Variants in TJP1 observed in about 807,000 individuals in gnomAD.
The protein encoded by TJP1 is tight junction protein 1, also known as tight junction protein ZO-1.
TJP1 carries 43 observed loss-of-function variants against 194.2 expected under a neutral mutation model. The observed-to-expected ratio is 0.22, with a 90% CI of 0.17 to 0.29. The LOEUF is 0.29. Among genes scored for constraint, TJP1 ranks in the 10% least tolerant of loss-of-function variants. The probability of loss-of-function intolerance (pLI) is 1.00; values close to 1 mark genes in which losing one functional copy is unlikely to be tolerated. For missense variants in TJP1, 1,971 were observed against 2,185.7 expected, an observed-to-expected ratio of 0.90 and a Z score of 1.96; for synonymous variants, 801 against 779.0, an observed-to-expected ratio of 1.03 and a Z score of -0.47.
At chr15:29,900,181 A>G (rs1207221256) in intron 2 of TJP1, among the ~76,000 whole-genome samples, 1 of 152,120 alleles carries the variant, frequency 6.6e-6, no homozygotes, top group Admixed American at 6.5e-5. Context: ...AGCCACCTGA[A>G]AAGGCTCTGG....
chr15:29,719,809 G>A lies in TJP1; in HGVS notation c.2971C>T (p.Pro991Ser), dbSNP rs2042816829. The change falls in exon 20 of 28, where the codon CCA (proline) becomes TCA (serine). Residue 991 changes from proline to serine, a missense_variant. Transcript: ENST00000614355. ...GGATCTACATGCGACGACAATGATG[G>A]TTCTTGATCTCTTAGCATTATGTGA... Reference protein sequence around the residue: ...AAHIMLRDQEPSLSSHVDPTK... With the variant: ...AAHIMLRDQESSLSSHVDPTK... 6.2e-7 allele frequency: 1 copy of A among 1,614,102 alleles called. No individual in the cohort carries two copies.
At chr15:29,949,916 T>A (rs1179349930) in intron 2 of TJP1, among the ~76,000 whole-genome samples, 19 of 29,912 alleles carry the variant, frequency 6.4e-4, no homozygotes, top group Admixed American at 1.7e-3. Context: ...CACCTCCACC[T>A]CCACCTTCAC....
intron 1 of TJP1, among the ~76,000 whole-genome samples, chr15:29,804,646 T>C (rs1455354442): frequency 6.6e-6 from 1 of 152,164 alleles, no homozygotes; most frequent in Non-Finnish European, 1.5e-5. Context: ...ATCTATTACT[T>C]ATCAAATTAT....
chr15:29,793,335 T>A (rs1403693338), intron 2 of TJP1, among the ~76,000 whole-genome samples: 2 of 152,232 alleles, frequency 1.3e-5, no homozygotes, highest in African/African-American at 4.8e-5. Context: ...TGAATACTTT[T>A]TTGGCATCTA....
At chr15:29,877,066 T>C (rs1445605486) in intron 2 of TJP1, among the ~76,000 whole-genome samples, 2 of 152,232 alleles carry the variant, frequency 1.3e-5, no homozygotes, top group African/African-American at 4.8e-5. Flanking sequence ...GCTTCTCTGA[T>C]AGGGCAGGAT....
intron 1 of TJP1, among the ~76,000 whole-genome samples, chr15:29,957,809 T>C (rs2056004500): frequency 6.6e-6 from 1 of 152,224 alleles, no homozygotes; most frequent in African/African-American, 2.4e-5. Flanking sequence ...GGGAGTTTCC[T>C]ACATGCTGAT....
chr15:29,773,790 TTA>T (rs1192833930), intron 2 of TJP1, among the ~76,000 whole-genome samples: 2 of 152,182 alleles, frequency 1.3e-5, no homozygotes, highest in African/African-American at 4.8e-5. Context: ...AAATCAAGTA[TTA>T]GTTATTTCAA....
rs766010663 is a variant in TJP1, at chr15:29,718,278, A to G, written c.3864T>C (p.Thr1288=). The G allele has an allele frequency of 1.2e-6, 2 of 1,612,856 alleles. No individual in the cohort carries two copies. The highest frequency in any genetic ancestry group is 1.1e-5 in the South Asian group (1 of 90,834). Residue 1288 remains threonine (T), a synonymous_variant, in exon 21 of 28, where the codon ACT becomes ACC. Transcript: ENST00000614355. The part of the protein sequence containing the change: ...SLETKKDVND[T]GSFKPPEVAS... ...AAGACATATTTACCTTAAAACTGCC[A>G]GTGTCATTTACATCCTTCTTGGTCT...
intron 9 of TJP1, among the ~76,000 whole-genome samples, chr15:29,742,108 C>T (rs2044460506): frequency 2.0e-5 from 3 of 151,896 alleles, no homozygotes; most frequent in Admixed American, 1.3e-4. Context: ...CCCCAGAAAA[C>T]CCAAAATAGC....
chr15:29,740,173 CA>C (rs1566933895), intron 10 of TJP1, among the ~76,000 whole-genome samples: 16 of 151,860 alleles, frequency 1.1e-4, no homozygotes, highest in Non-Finnish European at 1.6e-4. Flanking sequence ...GATGGGTTTT[CA>C]CCATGTTAGC....
At chr15:29,800,373 A>G in intron 2 of TJP1, 2 of 448,400 alleles carry the variant, frequency 4.5e-6, no homozygotes, top group Non-Finnish European at 7.8e-6. Context: ...ACTAATGTAC[A>G]GAGTCTTTTA....
chr15:29,966,674 A>G (rs2056345574), intron 1 of TJP1, among the ~76,000 whole-genome samples: 1 of 151,782 alleles, frequency 6.6e-6, no homozygotes, highest in Non-Finnish European at 1.5e-5. Flanking sequence ...GCAGGGTTTT[A>G]CAGTAATGGA....
chr15:29,725,102 C>T (rs1207374662), intron 18 of TJP1, among the ~76,000 whole-genome samples: 1 of 152,154 alleles, frequency 6.6e-6, no homozygotes, highest in East Asian at 1.9e-4. Context: ...GACTACAATC[C>T]TTTCAAGTGC....
chr15:29,864,290 A>T (rs1368813847), intron 2 of TJP1, among the ~76,000 whole-genome samples: 1 of 146,900 alleles, frequency 6.8e-6, no homozygotes, highest in Admixed American at 6.8e-5. Context: ...GTGTGCCTGT[A>T]ATCCCAGCTA....
intron 23 of TJP1, among the ~76,000 whole-genome samples, chr15:29,713,685 TATGAA>T (rs2151069952): frequency 6.6e-6 from 1 of 152,270 alleles, no homozygotes; most frequent in South Asian, 2.1e-4. Flanking sequence ...TGGACAAGAG[TATGAA>T]AAAGCATTAC....
chr15:29,720,217 C>T, intron 19 of TJP1, 141 bp downstream of exon 19: 3 of 1,106,382 alleles, frequency 2.7e-6, no homozygotes, highest in Non-Finnish European at 3.8e-6. Context: ...TAGAATTAAG[C>T]CCTTGGTACT....
At chr15:29,742,888 C>T in intron 8 of TJP1, 107 bp from the exon 9 acceptor site, 1 of 1,002,326 alleles carries the variant, frequency 1.0e-6, no homozygotes, top group Non-Finnish European at 1.3e-6. Flanking sequence ...ACAATGACAA[C>T]CTGCTCTAAC....
intron 2 of TJP1, among the ~76,000 whole-genome samples, chr15:29,897,621 A>G (rs1019423881): frequency 6.6e-6 from 1 of 152,202 alleles, no homozygotes; most frequent in African/African-American, 2.4e-5. Flanking sequence ...CCTGAATACC[A>G]GTCCGTAAAA....
intron 2 of TJP1, among the ~76,000 whole-genome samples, chr15:29,901,800 A>T (rs2152199032): frequency 6.6e-6 from 1 of 150,578 alleles, no homozygotes; most frequent in South Asian, 2.1e-4. Context: ...CAGCCTGGGC[A>T]ACAGAGCGAG....
Sources: allele counts gnomAD v4.1 joint callset (sites outside exome capture counted in the v4.1 genomes callset), GRCh38; gene constraint gnomAD v4.1.1; transcripts MANE v1.5; gene names NCBI Gene and HGNC (gene_info 2026-07-23, HGNC 2026-07-21).